Variants in PKHD1 observed in about 807,000 individuals in gnomAD.
PKHD1 encodes the protein fibrocystin.
In PKHD1, 291 loss-of-function variants were observed where a neutral mutation model predicts 412.0. That is an observed-to-expected ratio of 0.71 (90% CI 0.64 to 0.78). The LOEUF is 0.78. PKHD1 is among the 30% of genes least tolerant of loss of function. The pLI, the probability that PKHD1 is intolerant of heterozygous loss-of-function variation, is 0.00. For missense variants in PKHD1, 4,825 were observed against 4,950.7 expected (o/e 0.97, Z 0.76); for synonymous variants, 1,777 against 1,821.5 (o/e 0.98, Z 0.62).
chr6:51,844,717 C>T (rs1770853819), intron 50 of PKHD1, among the ~76,000 whole-genome samples: 1 of 152,022 alleles, frequency 6.6e-6, no homozygotes, highest in Admixed American at 6.6e-5. Flanking sequence ...TAAAACAATA[C>T]AAAAGATGGC....
intron 52 of PKHD1, among the ~76,000 whole-genome samples, chr6:51,804,831 A>G (rs1730702620): frequency 6.6e-6 from 1 of 152,196 alleles, no homozygotes; most frequent in African/African-American, 2.4e-5. Context: ...ACAATGAGAT[A>G]CCATCTCACA....
intron 60 of PKHD1, among the ~76,000 whole-genome samples, chr6:51,690,647 CAT>C (rs1343047184): frequency 2.6e-5 from 4 of 152,132 alleles, no homozygotes; most frequent in African/African-American, 9.7e-5. Context: ...CTTCCTTCAC[CAT>C]ATACGAAAAT....
Position 51,775,838 on chromosome 6 carries a change from T to C in PKHD1, c.8524A>G (p.Asn2842Asp). ...ASEGVFCDRMNGIHIDPGTIG... is the reference protein window; with the variant it reads ...ASEGVFCDRMDGIHIDPGTIG... ...GTTCCTGGGTCAATATGAATTCCAT[T>C]CATACGGTCACAAAAGACTCCCTCT... The change falls in exon 54 of 67, where the codon AAT becomes GAT. Residue 2842 changes from asparagine to aspartate, a missense_variant. Asn to Asp is a conservative substitution (Grantham distance 23). Transcript: ENST00000371117. The C allele has an allele frequency of 6.3e-7, 1 of 1,577,112 alleles. No individual in the cohort carries two copies. The highest frequency in any genetic ancestry group is 8.7e-7 in the Non-Finnish European group (1 of 1,147,406).
At chr6:51,691,285 C>T (rs986711443) in intron 60 of PKHD1, among the ~76,000 whole-genome samples, 7 of 152,122 alleles carry the variant, frequency 4.6e-5, no homozygotes, top group Non-Finnish European at 1.0e-4. Context: ...TACCATTTGA[C>T]CCAGCAATCT....
chr6:51,854,331 C>T (rs1772888828), intron 49 of PKHD1, among the ~76,000 whole-genome samples: 1 of 152,062 alleles, frequency 6.6e-6, no homozygotes, highest in Admixed American at 6.5e-5. Context: ...CCTCGAGGGG[C>T]ACCAACCTGA....
intron 60 of PKHD1, among the ~76,000 whole-genome samples, chr6:51,665,815 G>C (rs768765636): frequency 6.6e-6 from 1 of 152,178 alleles, no homozygotes; most frequent in Non-Finnish European, 1.5e-5. Flanking sequence ...GACACAGTAA[G>C]CTCTCTGAGA....
intron 35 of PKHD1, among the ~76,000 whole-genome samples, chr6:51,960,759 CAGA>C (rs1211731175): frequency 2.0e-5 from 3 of 152,124 alleles, no homozygotes; most frequent in South Asian, 4.1e-4. Context: ...GCTGTACTGA[CAGA>C]AGAAGCCAGA....
At chr6:52,063,500 T>A (rs1300763698) in intron 13 of PKHD1, among the ~76,000 whole-genome samples, 1 of 152,252 alleles carries the variant, frequency 6.6e-6, no homozygotes, top group Non-Finnish European at 1.5e-5. Context: ...AAACTAATAC[T>A]GTTGTTCCTC....
chr6:52,079,901 T>C lies in PKHD1; in HGVS notation c.389A>G (p.Lys130Arg). The change falls in exon 5 of 67, where the codon AAG (lysine) becomes AGG (arginine). Residue 130 changes from lysine (K) to arginine (R), a missense_variant and splice_region_variant. By Grantham distance (26) the Lys-to-Arg change is conservative (BLOSUM62 2). Coordinates refer to ENST00000371117, the MANE Select transcript of PKHD1 (RefSeq NM_138694.4). ...CCTTCCTCCAGCCTTAGAACCCACCTTGAAAGTACAGCTATCTCGTGGTCC... is the reference window on the plus strand; with the variant it reads ...CCTTCCTCCAGCCTTAGAACCCACCCTGAAAGTACAGCTATCTCGTGGTCC... The part of the protein sequence containing the change: ...NPGPRDSCTF[K>R]FSKAQTPIVH... 1 of 1,558,152 alleles carries C rather than the reference T, an allele frequency of 6.4e-7. No individual in the cohort carries two copies. The highest frequency in any genetic ancestry group is 8.9e-7 in the Non-Finnish European group (1 of 1,129,086).
At chr6:51,662,946 A>T (rs181128475) in intron 60 of PKHD1, among the ~76,000 whole-genome samples, 32 of 152,206 alleles carry the variant, frequency 2.1e-4, no homozygotes, top group Admixed American at 2.1e-3. Context: ...ATCAAATTTA[A>T]AGGAATAGTC....
chr6:51,863,380 A>T (rs1774509048), intron 48 of PKHD1, among the ~76,000 whole-genome samples: 1 of 152,254 alleles, frequency 6.6e-6, no homozygotes, highest in African/African-American at 2.4e-5. Flanking sequence ...CGAAGACAGA[A>T]TCAAGGTCTG....
Position 52,059,259 on chromosome 6 carries a change from C to CTTTTTTTT in PKHD1, c.1233+661_1234-659dup, listed in dbSNP as rs55992586. On this transcript the variant is annotated intron_variant, in intron 15 of 66. Coordinates refer to ENST00000371117, the MANE Select transcript of PKHD1 (RefSeq NM_138694.4). Reference sequence around the variant, plus strand: ...CTTTCTTTTTTTTCTTTTTCTTTTTCTTTTTTTTTTTTTTTTTTTTTTTTG... The same window carrying CTTTTTTTT: ...CTTTCTTTTTTTTCTTTTTCTTTTTCTTTTTTTTTTTTTTTTTTTTTTTTTTTTTTTTG... Among the ~76,000 whole-genome samples the CTTTTTTTT allele has an allele frequency of 5.9e-3, 496 of 83,492 alleles. 13 individuals carry two copies. Among genetic ancestry groups the CTTTTTTTT allele is most frequent in the African/African-American group, 0.015 (289 of 19,162 alleles). 54.8% of individuals were successfully genotyped at this position (83,492 alleles called of 152,430 possible). A position where few individuals can be genotyped will look rare whatever the true frequency, so the allele number is the denominator to read the frequency against.
chr6:52,025,799 A>C lies in PKHD1; in HGVS notation c.4011T>G (p.Asp1337Glu), dbSNP rs760893545. The C allele has an allele frequency of 8.1e-6, 13 of 1,614,174 alleles. 1 individual carries two copies. The South Asian group carries it at 1.3e-4, about 16-fold the overall frequency. The part of the protein sequence containing the change: ...SVILLGNLNC[D>E]VETQSFQGNV... ...TGCCCTGGAAGGACTGTGTCTCAAC[A>C]TCACAGTTCAGGTTCCCCAGAAGGA... Residue 1337 changes from aspartate (D) to glutamate (E), a missense_variant, in exon 32 of 67, where the codon GAT becomes GAG. By Grantham distance (45) the Asp-to-Glu change is conservative. Transcript: ENST00000371117.
chr6:51,714,846 G>A (rs1781067464), intron 60 of PKHD1, among the ~76,000 whole-genome samples: 1 of 151,902 alleles, frequency 6.6e-6, no homozygotes, highest in African/African-American at 2.4e-5. Context: ...AATACCAGAG[G>A]AAAAAAATCA....
At chr6:51,714,750 G>C (rs1220035280) in intron 60 of PKHD1, among the ~76,000 whole-genome samples, 1 of 152,068 alleles carries the variant, frequency 6.6e-6, no homozygotes, top group Non-Finnish European at 1.5e-5. Flanking sequence ...CAGAACTCTG[G>C]AACCTCACTT....
intron 35 of PKHD1, among the ~76,000 whole-genome samples, chr6:51,969,596 C>T (rs1289516864): frequency 6.6e-6 from 1 of 152,148 alleles, no homozygotes; most frequent in African/African-American, 2.4e-5. Context: ...TATTATTCCA[C>T]TATATCCATG....
chr6:51,995,100 AC>A (rs1337057910), intron 35 of PKHD1, among the ~76,000 whole-genome samples: 5 of 151,808 alleles, frequency 3.3e-5, no homozygotes, highest in Non-Finnish European at 7.4e-5. Flanking sequence ...ATCCTTTTTC[AC>A]CTGCAGTCTT....
At chr6:51,656,330 G>A (rs1460403115) in intron 61 of PKHD1, among the ~76,000 whole-genome samples, 6 of 152,080 alleles carry the variant, frequency 3.9e-5, no homozygotes, top group Admixed American at 6.6e-5. Context: ...ATCACACACC[G>A]GGGCCTGTTG....
At chr6:51,840,568 T>C (rs1287572894) in intron 50 of PKHD1, among the ~76,000 whole-genome samples, 1 of 152,208 alleles carries the variant, frequency 6.6e-6, no homozygotes. Flanking sequence ...GTGGAGGTAT[T>C]TGTGATTTCC....
Sources: allele counts gnomAD v4.1 joint callset (sites outside exome capture counted in the v4.1 genomes callset), GRCh38; gene constraint gnomAD v4.1.1; transcripts MANE v1.5; gene names NCBI Gene and HGNC (gene_info 2026-07-23, HGNC 2026-07-21).